The following EIF2S3B variants were observed in gnomAD, a reference collection of about 807,000 sequenced individuals.
The protein encoded by EIF2S3B is eukaryotic translation initiation factor 2 subunit 3B.
EIF2S3B carries 16 observed loss-of-function variants against 26.4 expected under a neutral mutation model. That is an observed-to-expected ratio of 0.61 (90% CI 0.41 to 0.92). The LOEUF (loss-of-function observed/expected upper bound fraction) is 0.92. Among genes scored for constraint, EIF2S3B ranks in the 40% least tolerant of loss-of-function variants. The pLI is 0.00. For synonymous variants in EIF2S3B, 183 were observed against 204.4 expected, an observed-to-expected ratio of 0.90 and a Z score of 0.89; for missense variants, 510 against 575.5, an observed-to-expected ratio of 0.89 and a Z score of 1.16.
In EIF2S3B at chr12:10,507,617, T is replaced by G. The variant is rs969445606; in HGVS notation, c.*296T>G. 4.5e-5 allele frequency: 23 copies of G among 510,960 alleles called. No individual in the cohort carries two copies. The highest frequency in any genetic ancestry group is 3.3e-4 in the African/African-American group (17 of 51,992). 31.7% of individuals were successfully genotyped at this position (510,960 alleles called of 1,614,324 possible). Reference sequence around the variant, plus strand: ...AGTTTTTTTGTTTGTTTTATTTTGTTTTGTTTTTGAGTCTGGCTTTGTCAC... The same window carrying G: ...AGTTTTTTTGTTTGTTTTATTTTGTGTTGTTTTTGAGTCTGGCTTTGTCAC... On this transcript the variant is annotated 3_prime_UTR_variant, in exon 1 of 1. Transcript: ENST00000538173.
In EIF2S3B at chr12:10,508,071, T is replaced by G. The variant is rs1203473684; in HGVS notation, c.*750T>G. ...AAGGCACAAATTATCCTTGAAGACCTTCTCCCTTTTCTTTGGCCCCATATT... is the reference window on the plus strand; with the variant it reads ...AAGGCACAAATTATCCTTGAAGACCGTCTCCCTTTTCTTTGGCCCCATATT... On this transcript the variant is annotated 3_prime_UTR_variant, in exon 1 of 1. Coordinates refer to ENST00000538173, the MANE Select transcript of EIF2S3B (RefSeq NM_001357734.3). 6.6e-6 allele frequency among the ~76,000 whole-genome samples: 1 copy of G among 152,216 alleles called. No individual in the cohort carries two copies. Among genetic ancestry groups the G allele is most frequent in the African/African-American group, 2.4e-5 (1 of 41,446 alleles).
chr12:10,507,277 A>G lies in EIF2S3B; in HGVS notation c.1375A>G (p.Ile459Val). ...KHWRLIGWGQIRRGVTIKPTV... is the reference protein window; with the variant it reads ...KHWRLIGWGQVRRGVTIKPTV... Reference sequence around the variant, plus strand: ...CTGGCGTTTAATTGGTTGGGGTCAGATAAGAAGAGGAGTGACAATCAAGCC... The same window carrying G: ...CTGGCGTTTAATTGGTTGGGGTCAGGTAAGAAGAGGAGTGACAATCAAGCC... The change falls in exon 1 of 1, where the codon ATA becomes GTA. Residue 459 changes from isoleucine to valine, a missense_variant. Coordinates refer to ENST00000538173, the MANE Select transcript of EIF2S3B (RefSeq NM_001357734.3). 6.2e-7 allele frequency: 1 copy of G among 1,613,654 alleles called. No homozygotes were observed. Among genetic ancestry groups the G allele is most frequent in the Non-Finnish European group, 8.5e-7 (1 of 1,179,532 alleles).
rs748322036 is a variant in EIF2S3B at position 10,507,229 on chromosome 12, C to T, written c.1327C>T (p.Leu443Phe). 6.2e-7 allele frequency: 1 copy of T among 1,613,894 alleles called. No homozygotes were observed. The highest frequency in any genetic ancestry group is 1.1e-5 in the South Asian group (1 of 91,074). Residue 443 changes from leucine (L) to phenylalanine (F), a missense_variant, in exon 1 of 1, where the codon CTT (leucine) becomes TTT (phenylalanine). Leu to Phe is a conservative substitution (Grantham distance 22, BLOSUM62 0). Transcript: ENST00000538173. ...CACAGAGGTAGGAGAAAAAATTGCCCTTAGCCGAAGAGTTGAAAAACACTG... is the reference window on the plus strand; with the variant it reads ...CACAGAGGTAGGAGAAAAAATTGCCTTTAGCCGAAGAGTTGAAAAACACTG... ...VCTEVGEKIA[L>F]SRRVEKHWRL...
intron 1 of EIF2S3B, among the ~76,000 whole-genome samples, chr12:10,516,617 A>C (rs1009064610): frequency 7.3e-5 from 11 of 151,680 alleles, no homozygotes; most frequent in African/African-American, 2.7e-4. Flanking sequence ...TCTCCTGCCT[A>C]ATTGCCCTGG....
rs1437661022 is a variant in EIF2S3B, at chr12:10,506,792, G to C, written c.890G>C (p.Arg297Thr). The change falls in exon 1 of 1, where the codon AGA (arginine) becomes ACA (threonine). Residue 297 changes from arginine to threonine, a missense_variant. Physicochemically the swap from Arg to Thr is moderately conservative, Grantham distance 71. Transcript: ENST00000538173. ...AAGGTGGGCCAGGAGACAGAAGTAA[G>C]ACCTGGTATTGTTTCCAAAGATAGT... ...VLKVGQETEV[R>T]PGIVSKDSEG... 1 of 1,613,646 alleles carries C rather than the reference G, an allele frequency of 6.2e-7. No homozygotes were observed. Among genetic ancestry groups the C allele is most frequent in the East Asian group, 2.2e-5 (1 of 44,884 alleles).
chr12:10,513,264 C>A (rs115674535), downstream of EIF2S3B, among the ~76,000 whole-genome samples: 1,948 of 152,270 alleles, frequency 0.013, 38 homozygotes, highest in African/African-American at 0.043. Flanking sequence ...TTGTCATGCT[C>A]CTCTGGGAGA....
At chr12:10,518,080 A>G (rs572878220) in intron 1 of EIF2S3B, among the ~76,000 whole-genome samples, 68 of 152,078 alleles carry the variant, frequency 4.5e-4, no homozygotes, top group Non-Finnish European at 7.4e-4. Flanking sequence ...AAAAAAATGT[A>G]TATTCTGTTG....
At chr12:10,518,610 A>G (rs2137954967) in intron 1 of EIF2S3B, among the ~76,000 whole-genome samples, 1 of 152,174 alleles carries the variant, frequency 6.6e-6, no homozygotes, top group East Asian at 1.9e-4. Flanking sequence ...ATTTAAAGTT[A>G]ATATTTCTCA....
chr12:10,520,123 A>G (rs1248918332), intron 1 of EIF2S3B, among the ~76,000 whole-genome samples: 1 of 149,360 alleles, frequency 6.7e-6, no homozygotes, highest in African/African-American at 2.5e-5. Context: ...ATGTCCAACA[A>G]TGATAGACTG....
intron 1 of EIF2S3B, among the ~76,000 whole-genome samples, chr12:10,518,104 A>T (rs541303030): frequency 7.0e-4 from 106 of 152,056 alleles, no homozygotes; most frequent in African/African-American, 2.5e-3. Flanking sequence ...TGGGGTGGAG[A>T]GTTCTGTAGA....
chr12:10,507,224 T>C lies in EIF2S3B; in HGVS notation c.1322T>C (p.Ile441Thr), dbSNP rs774779835. ...NPVCTEVGEKIALSRRVEKHW... is the reference protein window; with the variant it reads ...NPVCTEVGEKTALSRRVEKHW... The stretch of plus-strand genomic sequence containing the variant: ...GTGTGCACAGAGGTAGGAGAAAAAA[T>C]TGCCCTTAGCCGAAGAGTTGAAAAA... Residue 441 changes from isoleucine to threonine, a missense_variant, in exon 1 of 1, where the codon ATT becomes ACT. Coordinates refer to ENST00000538173, the MANE Select transcript of EIF2S3B (RefSeq NM_001357734.3). The C allele has an allele frequency of 6.2e-7, 1 of 1,613,794 alleles. No homozygotes were observed. Among genetic ancestry groups the C allele is most frequent in the Non-Finnish European group, 8.5e-7 (1 of 1,179,794 alleles).
downstream of EIF2S3B, among the ~76,000 whole-genome samples, chr12:10,512,390 T>C (rs1864713537): frequency 2.6e-5 from 4 of 152,190 alleles, no homozygotes. Context: ...CAGCTCCAAA[T>C]TGATGGTTTT....
chr12:10,510,791 A>G (rs894849659), downstream of EIF2S3B, among the ~76,000 whole-genome samples: 7 of 152,198 alleles, frequency 4.6e-5, no homozygotes, highest in Non-Finnish European at 8.8e-5. Flanking sequence ...TGACTTCTCA[A>G]GTATAAACAA....
intron 1 of EIF2S3B, among the ~76,000 whole-genome samples, chr12:10,513,887 T>C (rs1213412159): frequency 2.0e-5 from 3 of 150,932 alleles, no homozygotes; most frequent in Admixed American, 1.3e-4. Flanking sequence ...TGGTGGCGTA[T>C]GCCTGTAGTC....
At chr12:10,508,814 T>G (rs1864675368), downstream of EIF2S3B, among the ~76,000 whole-genome samples, 1 of 152,066 alleles carries the variant, frequency 6.6e-6, no homozygotes, top group Non-Finnish European at 1.5e-5. Context: ...GAAAAAAAAT[T>G]CTTCATATAC....
intron 1 of EIF2S3B, among the ~76,000 whole-genome samples, chr12:10,514,904 T>A (rs1450155990): frequency 6.6e-6 from 1 of 152,154 alleles, no homozygotes; most frequent in Non-Finnish European, 1.5e-5. Flanking sequence ...TTGACCTCTC[T>A]AAAATCCATA....
rs745800418 is a variant in EIF2S3B at position 10,507,065 on chromosome 12, G to A, written c.1163G>A (p.Gly388Glu). ...LRRLLGVRTE[G>E]DKKAAKVQKL... ...CGGCTTCTAGGTGTACGCACTGAAG[G>A]AGACAAGAAAGCAGCAAAGGTTCAA... The change falls in exon 1 of 1, where the codon GGA becomes GAA. Residue 388 changes from glycine (G) to glutamate (E), a missense_variant. Physicochemically the swap from Gly to Glu is moderately conservative, Grantham distance 98 (BLOSUM62 -2). Coordinates refer to ENST00000538173, the MANE Select transcript of EIF2S3B (RefSeq NM_001357734.3). 16 of 1,613,698 alleles carry A rather than the reference G, an allele frequency of 9.9e-6. No homozygotes were observed. The highest frequency in any genetic ancestry group is 1.3e-5 in the Non-Finnish European group (15 of 1,179,716).
chr12:10,506,039 C>T lies in EIF2S3B; in HGVS notation c.137C>T (p.Thr46Ile), dbSNP rs146449943. The T allele has an allele frequency of 1.2e-3, 1,986 of 1,604,058 alleles. 33 individuals are homozygous for T. In the East Asian group the frequency reaches 0.037, roughly 30 times the overall value. Residue 46 changes from threonine to isoleucine, a missense_variant, in exon 1 of 1, where the codon ACA (threonine) becomes ATA (isoleucine). Coordinates refer to ENST00000538173, the MANE Select transcript of EIF2S3B (RefSeq NM_001357734.3). The part of the protein sequence containing the change: ...ISRQATINIG[T>I]IGHVAHGKST... ...AGACAAGCCACAATTAATATAGGTA[C>T]AATTGGTCATGTAGCTCATGGGAAA...
chr12:10,506,602 G>A lies in EIF2S3B; in HGVS notation c.700G>A (p.Val234Ile), dbSNP rs1864633765. The change falls in exon 1 of 1, where the codon GTT (valine) becomes ATT (isoleucine). Residue 234 changes from valine (V) to isoleucine (I), a missense_variant. By Grantham distance (29) the Val-to-Ile change is conservative (BLOSUM62 3). Transcript: ENST00000538173. Reference protein sequence around the residue: ...ISAQLKYNIEVVCEYIVKKIP... With the variant: ...ISAQLKYNIEIVCEYIVKKIP... ...GGCTCAGCTGAAATACAATATTGAA[G>A]TTGTTTGTGAGTACATAGTAAAGAA... The A allele has an allele frequency of 1.9e-6, 3 of 1,606,480 alleles. No individual in the cohort carries two copies. Among genetic ancestry groups the A allele is most frequent in the Admixed American group, 1.7e-5 (1 of 60,000 alleles).
Sources: gnomAD v4.1 joint callset for allele counts (sites outside exome capture counted in the v4.1 genomes callset) on GRCh38, gnomAD v4.1.1 for gene constraint, MANE v1.5 for transcripts, NCBI Gene and HGNC (gene_info 2026-07-23, HGNC 2026-07-21) for gene names.